The following EPHA6 variants were observed in gnomAD, a reference collection of about 807,000 sequenced individuals.
EPHA6 encodes EPH receptor A6.
EPHA6 carries 50 observed loss-of-function variants against 112.0 expected under a neutral mutation model. The ratio of observed to expected loss-of-function variants is 0.45; its 90% CI spans 0.36 to 0.56. The LOEUF is 0.56. EPHA6 is among the 20% of genes least tolerant of loss of function. EPHA6 has a pLI of 0.00. For missense variants in EPHA6, 1,280 were observed against 1,417.4 expected (o/e 0.90, Z 1.56); for synonymous variants, 529 against 490.7 (o/e 1.08, Z -1.03).
chr3:96,899,880 A>C (rs1215171924), intron 2 of EPHA6, among the ~76,000 whole-genome samples: 1 of 152,192 alleles, frequency 6.6e-6, no homozygotes, highest in African/African-American at 2.4e-5. Flanking sequence ...ATCTTAATTC[A>C]CACTTTAGAT....
chr3:97,547,839 A>T (rs1272615494), intron 11 of EPHA6, among the ~76,000 whole-genome samples: 1 of 148,804 alleles, frequency 6.7e-6, no homozygotes, highest in African/African-American at 2.5e-5. Context: ...AATGAGCGAG[A>T]CTCTGTGGGC....
At chr3:97,366,614 T>G (rs957681786) in intron 5 of EPHA6, among the ~76,000 whole-genome samples, 1 of 152,116 alleles carries the variant, frequency 6.6e-6, no homozygotes, top group African/African-American at 2.4e-5. Context: ...TTACTGTTTT[T>G]TTTTTTCTCA....
chr3:97,520,534 C>A (rs1436835207), intron 10 of EPHA6, among the ~76,000 whole-genome samples: 4 of 152,218 alleles, frequency 2.6e-5, no homozygotes, highest in Admixed American at 2.6e-4. Context: ...ATATATCATC[C>A]TATTATCTTC....
intron 12 of EPHA6, among the ~76,000 whole-genome samples, chr3:97,604,251 A>G (rs1490455486): frequency 6.6e-6 from 1 of 151,740 alleles, no homozygotes; most frequent in Non-Finnish European, 1.5e-5. Context: ...TCCAAAGGGG[A>G]AAACATCTCC....
intron 11 of EPHA6, among the ~76,000 whole-genome samples, chr3:97,533,483 T>C (rs953707889): frequency 2.6e-5 from 4 of 152,068 alleles, no homozygotes; most frequent in Non-Finnish European, 5.9e-5. Context: ...CTGACAGCTA[T>C]GAAAGTTTGG....
intron 4 of EPHA6, among the ~76,000 whole-genome samples, chr3:97,229,677 T>G (rs1353346047): frequency 2.0e-5 from 3 of 152,154 alleles, no homozygotes; most frequent in Non-Finnish European, 2.9e-5. Flanking sequence ...TGTCCCAATT[T>G]TTTAAACTTA....
At chr3:96,891,725 A>T (rs1036146750) in intron 2 of EPHA6, among the ~76,000 whole-genome samples, 2 of 152,194 alleles carry the variant, frequency 1.3e-5, no homozygotes, top group Non-Finnish European at 2.9e-5. Context: ...ATAAATAAAA[A>T]TAAAAATAAA....
In EPHA6 at chr3:97,119,423, G is replaced by T. The variant is rs559521438; in HGVS notation, c.1115-106841G>T. Among the ~76,000 whole-genome samples the T allele has an allele frequency of 1.4e-4, 21 of 152,062 alleles. No individual in the cohort carries two copies. The South Asian group carries it at 4.4e-3, about 32-fold the overall frequency. On this transcript the variant is annotated intron_variant, in intron 3 of 17. Transcript: ENST00000389672. ...ATGCCTCTGGGCGCAGGTTGGTCAG[G>T]TCCATCAACTAGTGAGATAGGAGGC...
chr3:97,290,628 A>T (rs1236665561), intron 5 of EPHA6, among the ~76,000 whole-genome samples: 1 of 152,066 alleles, frequency 6.6e-6, no homozygotes, highest in East Asian at 1.9e-4. Flanking sequence ...TGTTATCAAA[A>T]ATTTACCTAT....
At chr3:97,237,739 GGATTTTT>G (rs2078723371) in intron 4 of EPHA6, among the ~76,000 whole-genome samples, 1 of 151,790 alleles carries the variant, frequency 6.6e-6, no homozygotes, top group African/African-American at 2.4e-5. Context: ...GACAGTGCTC[GGATTTTT>G]CATATTTCTC....
chr3:96,926,901 T>A (rs2040063868), intron 2 of EPHA6, among the ~76,000 whole-genome samples: 1 of 152,184 alleles, frequency 6.6e-6, no homozygotes, highest in Non-Finnish European at 1.5e-5. Flanking sequence ...GTGGCCCTAT[T>A]GTCACAGCTG....
chr3:97,045,358 G>A (rs533393698), intron 3 of EPHA6, among the ~76,000 whole-genome samples: 1 of 152,098 alleles, frequency 6.6e-6, no homozygotes, highest in Non-Finnish European at 1.5e-5. Context: ...AGAAGGATCG[G>A]TATGTCACAA....
chr3:97,316,699 A>C (rs531602254), intron 5 of EPHA6, among the ~76,000 whole-genome samples: 1 of 152,070 alleles, frequency 6.6e-6, no homozygotes, highest in South Asian at 2.1e-4. Flanking sequence ...GCCAACTCTA[A>C]TGTGAAATCA....
intron 14 of EPHA6, among the ~76,000 whole-genome samples, chr3:97,688,382 G>A (rs906716999): frequency 5.3e-5 from 8 of 152,144 alleles, no homozygotes; most frequent in African/African-American, 1.2e-4. Context: ...TTCTAAATGA[G>A]ATTATCACTT....
chr3:97,526,467 C>A (rs981258692), intron 10 of EPHA6, among the ~76,000 whole-genome samples: 1 of 88,340 alleles, frequency 1.1e-5, no homozygotes, highest in Non-Finnish European at 2.2e-5. Flanking sequence ...TGTTGGCAAG[C>A]CTGACCCAGT....
intron 7 of EPHA6, among the ~76,000 whole-genome samples, chr3:97,460,399 A>C (rs535806000): frequency 3.3e-5 from 5 of 152,244 alleles, no homozygotes; most frequent in Non-Finnish European, 7.3e-5. Context: ...TTCATTCAAA[A>C]ATATTCTTGA....
chr3:96,841,154 T>A (rs533592723), intron 1 of EPHA6, among the ~76,000 whole-genome samples: 1 of 152,208 alleles, frequency 6.6e-6, no homozygotes, highest in East Asian at 1.9e-4. Context: ...GTGGAACAAC[T>A]CGAGGTGAAG....
intron 16 of EPHA6, among the ~76,000 whole-genome samples, chr3:97,736,470 A>AGAGAGT (rs576699039): frequency 4.7e-4 from 56 of 118,872 alleles, no homozygotes; most frequent in African/African-American, 1.8e-3. Flanking sequence ...AGAGAGAGAG[A>AGAGAGT]GTGTGTGTGT....
At chr3:97,631,827 CAG>C (rs2093905338) in intron 13 of EPHA6, among the ~76,000 whole-genome samples, 1 of 151,910 alleles carries the variant, frequency 6.6e-6, no homozygotes, top group African/African-American at 2.4e-5. Context: ...ACTGAATCGC[CAG>C]AGTTATCTGC....
Sources: gnomAD v4.1 joint callset for allele counts (sites outside exome capture counted in the v4.1 genomes callset) on GRCh38, gnomAD v4.1.1 for gene constraint, MANE v1.5 for transcripts, NCBI Gene and HGNC (gene_info 2026-07-23, HGNC 2026-07-21) for gene names.